Variants in CDH13 observed in about 807,000 individuals in gnomAD.
CDH13 encodes cadherin 13.
A neutral mutation model predicts 63.8 loss-of-function variants in CDH13; 24 were observed. That is an observed-to-expected ratio of 0.38 (90% confidence interval 0.27 to 0.53). The LOEUF (loss-of-function observed/expected upper bound fraction) is 0.53. Ranked by LOEUF, CDH13 falls within the 20% of genes least tolerant of loss-of-function variation. The pLI is 0.85. For missense variants in CDH13, 1,049 were observed against 903.1 expected (o/e 1.16, Z -2.07); for synonymous variants, 503 against 355.3 (o/e 1.42, Z -4.67).
At chr16:83,535,955 GA>G (rs1368788734) in intron 7 of CDH13, among the ~76,000 whole-genome samples, 13 of 5,178 alleles carry the variant, frequency 2.5e-3, no homozygotes, top group Non-Finnish European at 0.015. Flanking sequence ...AAGGAAGGAA[GA>G]AAAGAAAAGA....
At chr16:83,341,385 A>G (rs1173348606) in intron 5 of CDH13, among the ~76,000 whole-genome samples, 1 of 152,224 alleles carries the variant, frequency 6.6e-6, no homozygotes, top group East Asian at 1.9e-4. Context: ...TTCGTATGAG[A>G]ACAGTGATGA....
chr16:83,507,990 C>T (rs1038935690), intron 7 of CDH13, among the ~76,000 whole-genome samples: 1 of 149,218 alleles, frequency 6.7e-6, no homozygotes, highest in African/African-American at 2.5e-5. Flanking sequence ...CGAGATCGCG[C>T]CACTGCACTC....
At chr16:83,166,760 A>G (rs900882593) in intron 4 of CDH13, among the ~76,000 whole-genome samples, 1 of 152,158 alleles carries the variant, frequency 6.6e-6, no homozygotes, top group African/African-American at 2.4e-5. Context: ...TCTAATTCAG[A>G]TTTTTCAAAA....
At chr16:83,416,074 C>A (rs931976108) in intron 6 of CDH13, among the ~76,000 whole-genome samples, 7 of 152,134 alleles carry the variant, frequency 4.6e-5, no homozygotes, top group African/African-American at 1.7e-4. Context: ...AATCAACAAA[C>A]AAAAATTAGT....
At chr16:82,711,790 C>A (rs1288076815) in intron 1 of CDH13, among the ~76,000 whole-genome samples, 1 of 152,200 alleles carries the variant, frequency 6.6e-6, no homozygotes, top group Non-Finnish European at 1.5e-5. Context: ...TAAGGACAAC[C>A]GGTGATGCCG....
intron 8 of CDH13, among the ~76,000 whole-genome samples, chr16:83,635,782 T>C (rs1166381730): frequency 2.6e-5 from 4 of 152,224 alleles, no homozygotes; most frequent in African/African-American, 9.6e-5. Flanking sequence ...AATAGAATCT[T>C]TCACAGAACA....
rs1295342476 is a variant in CDH13, at chr16:83,783,367, G to A, written c.2029G>A (p.Val677Ile). 2 of 1,613,844 alleles carry A rather than the reference G, an allele frequency of 1.2e-6. No homozygotes were observed. Among genetic ancestry groups the A allele is most frequent in the African/African-American group, 2.7e-5 (2 of 74,922 alleles). Residue 677 changes from valine (V) to isoleucine (I), a missense_variant, in exon 13 of 14, where the codon GTA (valine) becomes ATA (isoleucine). Coordinates refer to ENST00000567109, the MANE Select transcript of CDH13 (RefSeq NM_001257.5). ...PPMTNITDLR[V>I]QVCSCRNSKV... ...CATGACGAATATCACAGATCTCAGG[G>A]TACAAGTGTGCTCCTGCAGGAATTC... is the stretch of plus-strand genomic sequence containing the variant.
chr16:82,913,063 G>A (rs1445368361), intron 2 of CDH13, among the ~76,000 whole-genome samples: 4 of 152,110 alleles, frequency 2.6e-5, no homozygotes, highest in Non-Finnish European at 5.9e-5. Flanking sequence ...ATGGGATTGG[G>A]AATCTCATTA....
At chr16:83,053,246 T>C (rs1567784757) in intron 3 of CDH13, among the ~76,000 whole-genome samples, 1 of 152,152 alleles carries the variant, frequency 6.6e-6, no homozygotes, top group Non-Finnish European at 1.5e-5. Context: ...AGTTCTGGCT[T>C]TAGCTGTAAC....
At chr16:83,794,233 G>T (rs1338587295) in intron 13 of CDH13, among the ~76,000 whole-genome samples, 2 of 152,184 alleles carry the variant, frequency 1.3e-5, no homozygotes, top group African/African-American at 4.8e-5. Flanking sequence ...ATTTGTTACA[G>T]GAGCAACAGG....
chr16:82,843,872 G>C (rs1255657901), intron 1 of CDH13, among the ~76,000 whole-genome samples: 1 of 152,220 alleles, frequency 6.6e-6, no homozygotes, highest in Non-Finnish European at 1.5e-5. Context: ...CTGGCTCTGT[G>C]ACTATGCACC....
At chr16:82,647,095 C>G (rs914176471) in intron 1 of CDH13, among the ~76,000 whole-genome samples, 1 of 152,214 alleles carries the variant, frequency 6.6e-6, no homozygotes, top group African/African-American at 2.4e-5. Flanking sequence ...AAGCCCAGCT[C>G]TGCCACTGTA....
At chr16:83,036,543 C>T (rs939271150) in intron 3 of CDH13, among the ~76,000 whole-genome samples, 2 of 152,122 alleles carry the variant, frequency 1.3e-5, no homozygotes, top group Non-Finnish European at 2.9e-5. Flanking sequence ...GCAGTTACAA[C>T]AGAGGCAAGC....
At chr16:83,135,027 A>T (rs8056329) in intron 4 of CDH13, among the ~76,000 whole-genome samples, 51,257 of 152,044 alleles carry the variant, frequency 0.34, 9,182 homozygotes, top group African/African-American at 0.45. Flanking sequence ...TTCAAGGACC[A>T]GGCATTTCAG....
At chr16:83,230,989 C>T (rs1397506095) in intron 5 of CDH13, among the ~76,000 whole-genome samples, 1 of 152,224 alleles carries the variant, frequency 6.6e-6, no homozygotes, top group African/African-American at 2.4e-5. Flanking sequence ...AGAATGGTTG[C>T]TCCCTTTGTC....
chr16:82,664,562 G>C (rs1912364251), intron 1 of CDH13, among the ~76,000 whole-genome samples: 1 of 152,202 alleles, frequency 6.6e-6, no homozygotes, highest in South Asian at 2.1e-4. Context: ...TGAGGGAGAA[G>C]GCTGGGAGCC....
chr16:82,987,739 A>G (rs1030783329), intron 2 of CDH13, among the ~76,000 whole-genome samples: 1 of 152,158 alleles, frequency 6.6e-6, no homozygotes, highest in Non-Finnish European at 1.5e-5. Flanking sequence ...AATCGCAAAG[A>G]GTGTAAGGAC....
chr16:83,060,617 T>C (rs572150421), intron 3 of CDH13, among the ~76,000 whole-genome samples: 2 of 152,248 alleles, frequency 1.3e-5, no homozygotes, highest in East Asian at 3.9e-4. Context: ...GTAATGAAAC[T>C]CTCCGGAAAA....
At chr16:82,956,320 C>G (rs1033225375) in intron 2 of CDH13, among the ~76,000 whole-genome samples, 1 of 152,060 alleles carries the variant, frequency 6.6e-6, no homozygotes, top group East Asian at 1.9e-4. Context: ...ACCATTATCT[C>G]TTGCCTGCAA....
Sources: allele counts gnomAD v4.1 joint callset (sites outside exome capture counted in the v4.1 genomes callset), GRCh38; gene constraint gnomAD v4.1.1; transcripts MANE v1.5; gene names NCBI Gene and HGNC (gene_info 2026-07-23, HGNC 2026-07-21).